Variants in JCAD observed in about 807,000 individuals in gnomAD.
JCAD encodes junctional cadherin 5 associated.
Under a neutral mutation model 98.0 loss-of-function variants are expected in JCAD, and 40 were observed. The ratio of observed to expected loss-of-function variants is 0.41; its 90% CI spans 0.32 to 0.53. The LOEUF (loss-of-function observed/expected upper bound fraction) is 0.53, where lower values mean the gene tolerates loss of function less well. JCAD is among the 20% of genes least tolerant of loss of function. The pLI, the probability that JCAD is intolerant of heterozygous loss-of-function variation, is 0.31. For missense variants in JCAD, 1,705 were observed against 1,738.1 expected (o/e 0.98, Z 0.34); for synonymous variants, 691 against 682.3 (o/e 1.01, Z -0.20).
chr10:30,053,342 C>T (rs1314065369), intron 1 of JCAD, among the ~76,000 whole-genome samples: 2 of 152,118 alleles, frequency 1.3e-5, no homozygotes, highest in African/African-American at 4.8e-5. Context: ...AGGCATATCA[C>T]TTGAGGTCAG....
At chr10:30,022,499 C>T (rs1254951521) in intron 3 of JCAD, among the ~76,000 whole-genome samples, 1 of 152,210 alleles carries the variant, frequency 6.6e-6, no homozygotes, top group African/African-American at 2.4e-5. Flanking sequence ...TTTACTCTAA[C>T]TTGTGAAGCA....
chr10:30,079,536 C>T (rs1838042414), intron 1 of JCAD, among the ~76,000 whole-genome samples: 1 of 152,012 alleles, frequency 6.6e-6, no homozygotes, highest in African/African-American at 2.4e-5. Flanking sequence ...TCACCATTGC[C>T]CCTGTCTAGG....
chr10:30,017,472 C>T lies in JCAD; in HGVS notation c.*411G>A, dbSNP rs1262118973. 2 of 249,490 alleles carry T rather than the reference C, an allele frequency of 8.0e-6. No individual in the cohort carries two copies. The highest frequency in any genetic ancestry group is 2.3e-5 in the African/African-American group (1 of 42,712). 15.5% of individuals were successfully genotyped at this position (249,490 alleles called of 1,614,324 possible). The stretch of plus-strand genomic sequence containing the variant: ...AACTCCTTCACAAGAGCATGGACTG[C>T]AGGCCATGGAGACACAGAGGGGAGC... On this transcript the variant is annotated 3_prime_UTR_variant, in exon 4 of 4. Coordinates refer to ENST00000375377, the MANE Select transcript of JCAD (RefSeq NM_020848.4).
chr10:30,084,339 T>C (rs970249807), intron 1 of JCAD, among the ~76,000 whole-genome samples: 1 of 152,238 alleles, frequency 6.6e-6, no homozygotes, highest in Non-Finnish European at 1.5e-5. Context: ...TATAGTGTGA[T>C]GATTAATTTT....
intron 2 of JCAD, among the ~76,000 whole-genome samples, chr10:30,068,691 C>T (rs1211480670): frequency 6.6e-6 from 1 of 152,192 alleles, no homozygotes; most frequent in East Asian, 1.9e-4. Context: ...CAAGGTTACT[C>T]ACACCTCCCC....
chr10:30,089,969 A>C (rs1055931332), intron 1 of JCAD, among the ~76,000 whole-genome samples: 23 of 152,340 alleles, frequency 1.5e-4, no homozygotes, highest in African/African-American at 5.3e-4. Context: ...GTGTGTGTCC[A>C]TACATTCCCT....
intron 1 of JCAD, among the ~76,000 whole-genome samples, chr10:30,102,425 C>A (rs770528410): frequency 6.6e-6 from 1 of 152,210 alleles, no homozygotes; most frequent in Non-Finnish European, 1.5e-5. Context: ...TCTGCCTCAG[C>A]CTCCCAAAGT....
chr10:30,040,216 TG>T (rs1379775163), intron 2 of JCAD, among the ~76,000 whole-genome samples: 1 of 152,184 alleles, frequency 6.6e-6, no homozygotes, highest in Non-Finnish European at 1.5e-5. Context: ...CACAAGACGC[TG>T]CTCCTCCTGG....
In JCAD at chr10:30,047,574, C is replaced by T; in HGVS notation, c.239G>A (p.Gly80Glu). The change falls in exon 2 of 4, where the codon GGG (glycine) becomes GAG (glutamate). Residue 80 changes from glycine to glutamate, a missense_variant. Physicochemically the swap from Gly to Glu is moderately conservative, Grantham distance 98 (BLOSUM62 -2). Around this residue, in one of 3 missense-constraint regions of JCAD, gnomAD observed 152 missense variants for 148.0 expected, o/e 1.03. Coordinates refer to ENST00000375377, the MANE Select transcript of JCAD (RefSeq NM_020848.4). ...GGAAGCAGAAGTGCTCTGGGGCTCC[C>T]CGTGGCCTCTCGGTGTGCTGCGGCG... ...ESRRSTPRGH[G>E]EPQSTSASRT... The T allele has an allele frequency of 2.5e-6, 4 of 1,614,076 alleles. No homozygotes were observed. The South Asian group carries it at 3.3e-5, about 13-fold the overall frequency.
intron 1 of JCAD, among the ~76,000 whole-genome samples, chr10:30,115,188 G>C (rs1208617052): frequency 1.1e-4 from 17 of 152,186 alleles, no homozygotes; most frequent in Admixed American, 1.0e-3. Flanking sequence ...AATTGATTCT[G>C]CAGCTCTCTC....
At chr10:30,054,760 CTG>C (rs1491143523) in intron 1 of JCAD, among the ~76,000 whole-genome samples, 1 of 151,740 alleles carries the variant, frequency 6.6e-6, no homozygotes. Context: ...GCTCCGCCCC[CTG>C]GGGTTCACGC....
At chr10:30,021,987 C>G (rs894981334) in intron 3 of JCAD, among the ~76,000 whole-genome samples, 1 of 152,186 alleles carries the variant, frequency 6.6e-6, no homozygotes, top group Non-Finnish European at 1.5e-5. Flanking sequence ...TATCTCTTCT[C>G]ATTCTTCCCC....
intron 2 of JCAD, among the ~76,000 whole-genome samples, chr10:30,031,743 C>T (rs979154479): frequency 4.9e-5 from 7 of 142,804 alleles, no homozygotes; most frequent in African/African-American, 1.1e-4. Flanking sequence ...CGCCCAGCCC[C>T]ATCTGTATTT....
chr10:30,113,261 C>T (rs1256981321), intron 1 of JCAD, among the ~76,000 whole-genome samples: 1 of 151,852 alleles, frequency 6.6e-6, no homozygotes, highest in Non-Finnish European at 1.5e-5. Context: ...ACGCAAAAAG[C>T]CTCCCAGAGC....
intron 3 of JCAD, among the ~76,000 whole-genome samples, chr10:30,020,104 G>A (rs1836628523): frequency 1.3e-5 from 2 of 151,914 alleles, no homozygotes; most frequent in African/African-American, 4.8e-5. Flanking sequence ...CGAGACAGGT[G>A]AATAACCTGA....
At position 30,029,336 on chromosome 10, in the gene JCAD, G is replaced by C; in HGVS notation, c.812C>G (p.Ser271Cys). The change falls in exon 3 of 4, where the codon TCC (serine) becomes TGC (cysteine). Residue 271 changes from serine to cysteine, a missense_variant. By Grantham distance (112) the Ser-to-Cys change is moderately radical. Transcript: ENST00000375377. ...YPPTCAPNLD[S>C]TRNSEKSGCS... ...GCCACTCTTCTCAGAATTCCTCGTG[G>C]AGTCCAAATTTGGTGCGCAAGTGGG... 6.2e-7 allele frequency: 1 copy of C among 1,614,186 alleles called. No individual in the cohort carries two copies. The highest frequency in any genetic ancestry group is 1.1e-5 in the South Asian group (1 of 91,080).
At chr10:30,026,075 G>GC (rs759549894) in intron 3 of JCAD, 28 bp downstream of exon 3, 16 of 1,613,452 alleles carry the variant, frequency 9.9e-6, no homozygotes, top group Non-Finnish European at 1.4e-5. Flanking sequence ...TGTATACTGA[G>GC]CACCTGCCTG....
intron 1 of JCAD, among the ~76,000 whole-genome samples, chr10:30,054,862 G>C (rs1015291451): frequency 3.3e-5 from 5 of 151,952 alleles, no homozygotes; most frequent in East Asian, 1.9e-4. Context: ...GTAGAGACAG[G>C]GTTTCACCGT....
chr10:30,037,182 G>A (rs1388171342), intron 2 of JCAD, among the ~76,000 whole-genome samples: 3 of 152,154 alleles, frequency 2.0e-5, no homozygotes, highest in Non-Finnish European at 2.9e-5. Context: ...GCCATGTTCC[G>A]CTCCAGAATT....
Sources: gnomAD v4.1 joint callset for allele counts (sites outside exome capture counted in the v4.1 genomes callset) on GRCh38, gnomAD v4.1.1 for gene constraint, gnomAD v4.1.1 regional missense constraint, MANE v1.5 for transcripts, NCBI Gene and HGNC (gene_info 2026-07-23, HGNC 2026-07-21) for gene names.